Variants in FUT8 observed in about 807,000 individuals in gnomAD.
FUT8 encodes fucosyltransferase 8.
FUT8 carries 29 observed loss-of-function variants against 71.3 expected under a neutral mutation model. The ratio of observed to expected loss-of-function variants is 0.41; its 90% CI spans 0.30 to 0.55. The LOEUF is 0.55. FUT8 is among the 20% of genes least tolerant of loss of function. The probability of loss-of-function intolerance (pLI) is 0.34; values close to 1 mark genes in which losing one functional copy is unlikely to be tolerated. For missense variants in FUT8, 544 were observed against 702.1 expected, an observed-to-expected ratio of 0.77 and a Z score of 2.55; for synonymous variants, 254 against 239.3, an observed-to-expected ratio of 1.06 and a Z score of -0.57.
At chr14:65,463,153 CAG>C (rs36072223) in intron 2 of FUT8, among the ~76,000 whole-genome samples, 1,581 of 152,216 alleles carry the variant, frequency 0.01, 29 homozygotes, top group African/African-American at 0.036. Context: ...TTAAAACAGA[CAG>C]AATATAGAAA....
chr14:65,426,946 C>T (rs2065398209), intron 1 of FUT8, among the ~76,000 whole-genome samples: 1 of 152,014 alleles, frequency 6.6e-6, no homozygotes, highest in Admixed American at 6.6e-5. Flanking sequence ...GTAAGCTCTG[C>T]CTCCCGGGTT....
chr14:65,656,555 A>T (rs2140338196), intron 6 of FUT8, among the ~76,000 whole-genome samples: 1 of 152,310 alleles, frequency 6.6e-6, no homozygotes, highest in East Asian at 1.9e-4. Flanking sequence ...TGTTTATACT[A>T]TCCAGAGTAA....
intron 8 of FUT8, 59 bp from the exon 9 acceptor site, chr14:65,724,088 G>A (rs1030058752): frequency 7.7e-7 from 1 of 1,305,406 alleles, no homozygotes; most frequent in Non-Finnish European, 1.0e-6. Flanking sequence ...TATAAATTGA[G>A]TACCCTCAAA....
intron 1 of FUT8, among the ~76,000 whole-genome samples, chr14:65,435,887 G>GTA (rs2065549260): frequency 8.1e-6 from 1 of 123,862 alleles, no homozygotes; most frequent in African/African-American, 3.0e-5. Context: ...GACTTTTGGT[G>GTA]TATTTTTATT....
chr14:65,737,134 A>T (rs1466398127), intron 10 of FUT8, among the ~76,000 whole-genome samples: 1 of 152,060 alleles, frequency 6.6e-6, no homozygotes, highest in Admixed American at 6.6e-5. Flanking sequence ...CAGTCTCAGG[A>T]CTTCTCATCT....
intron 6 of FUT8, among the ~76,000 whole-genome samples, chr14:65,659,387 A>G (rs1891849877): frequency 6.6e-6 from 1 of 152,124 alleles, no homozygotes; most frequent in Admixed American, 6.5e-5. Flanking sequence ...CAGTGAATAG[A>G]CAAGTGCTGT....
upstream of FUT8, among the ~76,000 whole-genome samples, chr14:65,407,907 A>G (rs1177751685): frequency 1.3e-5 from 2 of 152,280 alleles, no homozygotes; most frequent in Admixed American, 6.5e-5. Context: ...TGACTTGCTC[A>G]TATCTGGCAG....
chr14:65,487,564 CAAAAAAAAAAAAA>C (rs745645710), intron 2 of FUT8, among the ~76,000 whole-genome samples: 1 of 64,456 alleles, frequency 1.6e-5, no homozygotes, highest in Non-Finnish European at 3.4e-5. Flanking sequence ...GACTCCGTCT[CAAAAAAAAAAAAA>C]AAAAAAAACT....
chr14:65,450,822 C>T (rs114530123), intron 1 of FUT8, among the ~76,000 whole-genome samples: 1,564 of 151,518 alleles, frequency 0.01, 20 homozygotes, highest in African/African-American at 0.036. Flanking sequence ...TTGTGGGACT[C>T]GCAACAGGGG....
chr14:65,733,177 C>G (rs1264664728), intron 9 of FUT8, 54 bp from the exon 10 acceptor site: 1 of 1,153,502 alleles, frequency 8.7e-7, no homozygotes, highest in Non-Finnish European at 1.2e-6. Context: ...AGTCTGCCTT[C>G]TGATAGGATA....
At chr14:65,429,206 C>A (rs2065432068) in intron 1 of FUT8, among the ~76,000 whole-genome samples, 1 of 152,174 alleles carries the variant, frequency 6.6e-6, no homozygotes, top group Non-Finnish European at 1.5e-5. Context: ...GTTGTAACTG[C>A]TTTCAAATAA....
In FUT8 at chr14:65,434,211, T is replaced by C. The variant is rs890697930; in HGVS notation, c.-326+20997T>C. 3.9e-5 allele frequency among the ~76,000 whole-genome samples: 6 copies of C among 152,220 alleles called. No homozygotes were observed. In the East Asian group the frequency reaches 9.6e-4, roughly 24 times the overall value. ...GCTATGTAAATAGGAAGAATAGAGATGGAGAAGTCCAGGAACAACCAGATC... is the reference window on the plus strand; with the variant it reads ...GCTATGTAAATAGGAAGAATAGAGACGGAGAAGTCCAGGAACAACCAGATC... On this transcript the variant is annotated intron_variant, in intron 1 of 10. Transcript: ENST00000673929.
At position 65,724,207 on chromosome 14, in the gene FUT8, G is replaced by A. The variant is rs1219692317; in HGVS notation, c.1143G>A (p.Glu381=). 5 of 1,613,190 alleles carry A rather than the reference G, an allele frequency of 3.1e-6. No individual in the cohort carries two copies. Among genetic ancestry groups the A allele is most frequent in the Non-Finnish European group, 2.5e-6 (3 of 1,179,718 alleles). ...AAGCTGCCTTCCATCCCATTGAAGA[G>A]TACATGGTGCATGTTGAAGAACATT... ...GTEAAFHPIE[E]YMVHVEEHFQ... is the part of the protein sequence containing the mutation. Residue 381 remains glutamate (E), a synonymous_variant, in exon 9 of 11, where the codon GAG becomes GAA. Coordinates refer to ENST00000673929, the MANE Select transcript of FUT8 (RefSeq NM_001371533.1).
At chr14:65,548,451 T>G (rs1885096788) in intron 2 of FUT8, among the ~76,000 whole-genome samples, 1 of 152,108 alleles carries the variant, frequency 6.6e-6, no homozygotes, top group African/African-American at 2.4e-5. Flanking sequence ...TTTCTATGTA[T>G]CATGTTTGTT....
At chr14:65,480,831 C>T (rs759716148) in intron 2 of FUT8, among the ~76,000 whole-genome samples, 10 of 151,990 alleles carry the variant, frequency 6.6e-5, no homozygotes, top group Non-Finnish European at 1.5e-4. Context: ...GGACTACAGG[C>T]GTGTACCACC....
At chr14:65,510,663 A>G (rs1464373472) in intron 2 of FUT8, among the ~76,000 whole-genome samples, 2 of 152,060 alleles carry the variant, frequency 1.3e-5, no homozygotes, top group Non-Finnish European at 2.9e-5. Context: ...GGTAGGTTGT[A>G]TGTGTCTAGG....
At position 65,660,923 on chromosome 14, in the gene FUT8, C is replaced by G. The variant is rs1248347251; in HGVS notation, c.598-8320C>G. Among the ~76,000 whole-genome samples, 1 of 152,138 alleles carries G rather than the reference C, an allele frequency of 6.6e-6. No individual in the cohort carries two copies. Among genetic ancestry groups the G allele is most frequent in the Non-Finnish European group, 1.5e-5 (1 of 68,028 alleles). ...AGATTGTTTCTAATATAATGAAATG[C>G]TTTCACTACACTATTAATGAATTCG... On this transcript the variant is annotated intron_variant, in intron 6 of 10. Coordinates refer to ENST00000673929, the MANE Select transcript of FUT8 (RefSeq NM_001371533.1). The surrounding 1 kb of genome is among the most constrained non-coding windows in gnomAD (Gnocchi z 4.1).
At chr14:65,710,556 G>C (rs529895616) in intron 7 of FUT8, among the ~76,000 whole-genome samples, 1 of 151,960 alleles carries the variant, frequency 6.6e-6, no homozygotes, top group Non-Finnish European at 1.5e-5. Flanking sequence ...ACAGTAGCGT[G>C]TATCTTTTTG....
intron 2 of FUT8, among the ~76,000 whole-genome samples, chr14:65,545,426 CTCTT>C (rs1397637779): frequency 6.6e-6 from 1 of 151,544 alleles, no homozygotes; most frequent in Non-Finnish European, 1.5e-5. Context: ...ATTTATAATT[CTCTT>C]TATCAACTTG....
Sources: gnomAD v4.1 joint callset for allele counts (sites outside exome capture counted in the v4.1 genomes callset) on GRCh38, gnomAD v4.1.1 for gene constraint, Gnocchi (gnomAD v3.1) non-coding constraint, MANE v1.5 for transcripts, NCBI Gene and HGNC (gene_info 2026-07-23, HGNC 2026-07-21) for gene names.